The following TMEM74 variants were observed in gnomAD, a reference collection of about 807,000 sequenced individuals.
TMEM74 encodes the protein transmembrane protein 74.
In TMEM74, 13 loss-of-function variants were observed where a neutral mutation model predicts 18.1. That is an observed-to-expected ratio of 0.72 (90% CI 0.47 to 1.14). TMEM74 has a LOEUF of 1.14. TMEM74 is among the 50% of genes most tolerant of loss of function. TMEM74 has a pLI of 0.00. For synonymous variants in TMEM74, 159 were observed against 146.6 expected (o/e 1.08, Z -0.61); for missense variants, 372 against 375.9 (o/e 0.99, Z 0.09).
At chr8:108,632,216 T>A (rs1323107301) in intron 2 of TMEM74, among the ~76,000 whole-genome samples, 1 of 151,894 alleles carries the variant, frequency 6.6e-6, no homozygotes, top group Non-Finnish European at 1.5e-5. Flanking sequence ...TTCAGGAAGA[T>A]TAAGTATAGG....
In TMEM74 at chr8:108,784,752, T is replaced by C; in HGVS notation, c.347A>G (p.Lys116Arg). The C allele has an allele frequency of 6.2e-7, 1 of 1,614,186 alleles. No homozygotes were observed. The highest frequency in any genetic ancestry group is 1.1e-5 in the South Asian group (1 of 91,076). The part of the protein sequence containing the change: ...ELETSFTYVD[K>R]NINLEQRNRS... Reference sequence around the variant, plus strand: ...GTTCCGCTGCTCCAAGTTGATGTTTTTGTCCACATAGGTAAAAGAAGTTTC... The same window carrying C: ...GTTCCGCTGCTCCAAGTTGATGTTTCTGTCCACATAGGTAAAAGAAGTTTC... The change falls in exon 2 of 2, where the codon AAA becomes AGA. Residue 116 changes from lysine (K) to arginine (R), a missense_variant. Physicochemically the swap from Lys to Arg is conservative, Grantham distance 26. Transcript: ENST00000297459.
At chr8:108,663,534 A>G (rs1812921249) in intron 1 of TMEM74, among the ~76,000 whole-genome samples, 2 of 152,276 alleles carry the variant, frequency 1.3e-5, no homozygotes, top group Admixed American at 6.5e-5. Flanking sequence ...TAATTTAACC[A>G]TTGTGGAAGA....
rs1813793811 is a variant in TMEM74 at position 108,740,890 on chromosome 8, TCA to T, written n.119+46584_119+46585del. On this transcript the variant is annotated intron_variant and non_coding_transcript_variant, in intron 1 of 3. Coordinates refer to the TMEM74 transcript ENST00000518838. The stretch of plus-strand genomic sequence containing the variant: ...CACCTAAAACTATGTGCAAAATAGT[TCA>T]CAGTGTCATTGTTTGTATTGGAAGA... Among the ~76,000 whole-genome samples the T allele has an allele frequency of 1.3e-5, 2 of 152,316 alleles. 1 individual carries two copies. Among genetic ancestry groups the T allele is most frequent in the South Asian group, 4.1e-4 (2 of 4,826 alleles).
At chr8:108,771,046 C>A (rs890357766) in intron 1 of TMEM74, among the ~76,000 whole-genome samples, 1 of 152,210 alleles carries the variant, frequency 6.6e-6, no homozygotes, top group African/African-American at 2.4e-5. Context: ...CTGAGTTCTT[C>A]AGGTTGCTTT....
intron 2 of TMEM74, among the ~76,000 whole-genome samples, chr8:108,631,740 T>G (rs905677181): frequency 2.6e-5 from 4 of 152,054 alleles, no homozygotes; most frequent in Non-Finnish European, 5.9e-5. Context: ...ACTTTTGCTT[T>G]TGTTGCGATT....
intron 2 of TMEM74, among the ~76,000 whole-genome samples, chr8:108,623,891 C>T (rs1812468273): frequency 1.3e-5 from 2 of 152,000 alleles, no homozygotes; most frequent in Admixed American, 6.6e-5. Context: ...ACAGGGCACT[C>T]CCCCTAAAGC....
At chr8:108,775,873 C>T (rs1814228123), downstream of TMEM74, among the ~76,000 whole-genome samples, 4 of 152,208 alleles carry the variant, frequency 2.6e-5, no homozygotes. Context: ...TATGGATCCA[C>T]TCAGCAGCAG....
intron 1 of TMEM74, among the ~76,000 whole-genome samples, chr8:108,720,813 G>A (rs1813580289): frequency 6.6e-6 from 1 of 152,072 alleles, no homozygotes; most frequent in Non-Finnish European, 1.5e-5. Context: ...CTGTCGCCCA[G>A]GCTGGAGTGC....
chr8:108,784,874 A>G lies in TMEM74; in HGVS notation c.225T>C (p.Thr75=), dbSNP rs920642781. 2 of 1,614,146 alleles carry G rather than the reference A, an allele frequency of 1.2e-6. No homozygotes were observed. Among genetic ancestry groups the G allele is most frequent in the Non-Finnish European group, 1.7e-6 (2 of 1,180,026 alleles). Residue 75 remains threonine, a synonymous_variant, in exon 2 of 2, where the codon ACT becomes ACC. Coordinates refer to ENST00000297459, the MANE Select transcript of TMEM74 (RefSeq NM_153015.3). ...CTGGTGGAAAGGCATCTGGCTGAAG[A>G]GTACTGTTTTGCAGAGAGGAGGAGG... ...ASPSSSLQNS[T]LQPDAFPPGL...
At chr8:108,665,913 A>C (rs532341786) in intron 1 of TMEM74, among the ~76,000 whole-genome samples, 1 of 152,316 alleles carries the variant, frequency 6.6e-6, no homozygotes, top group Non-Finnish European at 1.5e-5. Flanking sequence ...TATGAAAGAC[A>C]GGGGTAATGC....
chr8:108,702,783 C>A (rs756767016), intron 1 of TMEM74, among the ~76,000 whole-genome samples: 5 of 135,460 alleles, frequency 3.7e-5, no homozygotes, highest in African/African-American at 1.4e-4. Context: ...GATTTGATGA[C>A]GACTTTTTAG....
intron 1 of TMEM74, among the ~76,000 whole-genome samples, chr8:108,666,354 C>T (rs1047562545): frequency 6.6e-6 from 1 of 152,260 alleles, no homozygotes; most frequent in South Asian, 2.1e-4. Flanking sequence ...TTACAGTGCA[C>T]GTGTTGGCAA....
intron 1 of TMEM74, among the ~76,000 whole-genome samples, chr8:108,676,526 A>C (rs1813057918): frequency 6.6e-6 from 1 of 152,036 alleles, no homozygotes; most frequent in Non-Finnish European, 1.5e-5. Context: ...CTCACATGTA[A>C]ACTTCCCAGT....
intron 1 of TMEM74, among the ~76,000 whole-genome samples, chr8:108,712,600 T>C (rs1813485126): frequency 6.6e-6 from 1 of 152,166 alleles, no homozygotes; most frequent in Non-Finnish European, 1.5e-5. Context: ...CTCATCCTGA[T>C]CCAGTTTTGA....
At chr8:108,660,650 C>A (rs944523608) in intron 1 of TMEM74, among the ~76,000 whole-genome samples, 5 of 152,134 alleles carry the variant, frequency 3.3e-5, no homozygotes, top group African/African-American at 1.2e-4. Context: ...TTAGATAGTT[C>A]TGCCTTACAG....
chr8:108,672,132 C>A (rs929028100), intron 1 of TMEM74, among the ~76,000 whole-genome samples: 1 of 152,144 alleles, frequency 6.6e-6, no homozygotes, highest in Non-Finnish European at 1.5e-5. Flanking sequence ...CGGCAGTTGC[C>A]GTCCAACTGA....
intron 1 of TMEM74, among the ~76,000 whole-genome samples, chr8:108,741,387 A>C (rs1216240156): frequency 2.6e-5 from 4 of 152,220 alleles, no homozygotes; most frequent in African/African-American, 9.6e-5. Context: ...ATTACATAGT[A>C]AAACACTTTT....
intron 1 of TMEM74, among the ~76,000 whole-genome samples, chr8:108,749,271 T>C (rs796693421): frequency 2.0e-5 from 3 of 152,334 alleles, no homozygotes; most frequent in African/African-American, 7.2e-5. Context: ...ATATTAATTC[T>C]TCCTATCCAT....
At chr8:108,761,832 A>G (rs1398035709) in intron 1 of TMEM74, among the ~76,000 whole-genome samples, 1 of 152,276 alleles carries the variant, frequency 6.6e-6, no homozygotes, top group African/African-American at 2.4e-5. Context: ...TACAAAAAAT[A>G]TACAAATAGC....
Sources: gnomAD v4.1 joint callset for allele counts (sites outside exome capture counted in the v4.1 genomes callset) on GRCh38, gnomAD v4.1.1 for gene constraint, MANE v1.5 for transcripts, NCBI Gene and HGNC (gene_info 2026-07-23, HGNC 2026-07-21) for gene names.